IL34: variants seen among roughly 807,000 people sequenced by gnomAD.
IL34 encodes interleukin 34.
IL34 carries 17 observed loss-of-function variants against 25.3 expected under a neutral mutation model. The ratio of observed to expected loss-of-function variants is 0.67; its 90% CI spans 0.46 to 1.01. The LOEUF is 1.01. Ranked by LOEUF, IL34 falls within the 50% of genes least tolerant of loss-of-function variation. IL34 has a pLI of 0.00. For synonymous variants in IL34, 174 were observed against 140.9 expected, an observed-to-expected ratio of 1.23 and a Z score of -1.66; for missense variants, 368 against 312.9, an observed-to-expected ratio of 1.18 and a Z score of -1.33.
intron 1 of IL34, among the ~76,000 whole-genome samples, chr16:70,639,912 T>TA (rs1342433826): frequency 4.6e-5 from 7 of 151,898 alleles, no homozygotes; most frequent in Non-Finnish European, 8.8e-5. Flanking sequence ...GACCTGTGAT[T>TA]ACGCCTCTGC....
At chr16:70,619,804 G>A (rs1383419091) in intron 1 of IL34, among the ~76,000 whole-genome samples, 10 of 152,206 alleles carry the variant, frequency 6.6e-5, no homozygotes, top group East Asian at 1.9e-4. Context: ...CTCTGGGAGT[G>A]GCTGCCAGGT....
intron 1 of IL34, among the ~76,000 whole-genome samples, chr16:70,587,266 G>T (rs1001731778): frequency 6.6e-6 from 1 of 151,862 alleles, no homozygotes; most frequent in Non-Finnish European, 1.5e-5. Context: ...CGCAGACAGC[G>T]CTGAGTTTTG....
intron 1 of IL34, among the ~76,000 whole-genome samples, chr16:70,618,236 T>C (rs1427687057): frequency 2.6e-5 from 4 of 151,870 alleles, no homozygotes; most frequent in South Asian, 4.2e-4. Flanking sequence ...CATCAATAAA[T>C]CAAGCGTGAT....
At chr16:70,615,377 C>T (rs1036206220) in intron 1 of IL34, among the ~76,000 whole-genome samples, 2 of 152,022 alleles carry the variant, frequency 1.3e-5, no homozygotes, top group Non-Finnish European at 2.9e-5. Context: ...CGTGGTGGTG[C>T]TCACCTGTAG....
At chr16:70,610,736 G>A (rs1479012973) in intron 1 of IL34, among the ~76,000 whole-genome samples, 1 of 152,188 alleles carries the variant, frequency 6.6e-6, no homozygotes, top group Non-Finnish European at 1.5e-5. Flanking sequence ...ATCTCTTGTG[G>A]AATATTCCAG....
intron 1 of IL34, among the ~76,000 whole-genome samples, chr16:70,641,535 C>CCCTT (rs926945732): frequency 2.0e-3 from 279 of 140,250 alleles, no homozygotes; most frequent in Middle Eastern, 3.6e-3. Flanking sequence ...CTCCCTCCCT[C>CCCTT]CCTTCCTTCC....
rs138262140 is a variant in IL34, at chr16:70,614,474, C to T, written c.-400-32074C>T. Reference sequence around the variant, plus strand: ...AGCCTCTCCAGGTGGTTCTTAAGCCCGCTGAGGTTTGAGAAGCATGGAAGC... The same window carrying T: ...AGCCTCTCCAGGTGGTTCTTAAGCCTGCTGAGGTTTGAGAAGCATGGAAGC... On this transcript the variant is annotated intron_variant, in intron 1 of 6. Transcript: ENST00000429149. Among the ~76,000 whole-genome samples, 1,257 of 152,256 alleles carry T rather than the reference C, an allele frequency of 8.3e-3. 19 individuals are homozygous for T. The highest frequency in any genetic ancestry group is 0.028 in the African/African-American group (1,174 of 41,534).
At chr16:70,590,381 C>T (rs1597734950) in intron 1 of IL34, among the ~76,000 whole-genome samples, 1 of 152,188 alleles carries the variant, frequency 6.6e-6, no homozygotes, top group Non-Finnish European at 1.5e-5. Flanking sequence ...GATTGGGGAG[C>T]TCCCCATTAG....
In IL34 at chr16:70,658,075, C is replaced by T. The variant is rs117452835; in HGVS notation, c.402+954C>T. 9.2e-3 allele frequency among the ~76,000 whole-genome samples: 1,397 copies of T among 152,290 alleles called. 12 individuals carry two copies. Among genetic ancestry groups the T allele is most frequent in the Middle Eastern group, 0.034 (10 of 294 alleles). On this transcript the variant is annotated intron_variant, in intron 4 of 5. Coordinates refer to ENST00000288098, the MANE Select transcript of IL34 (RefSeq NM_001393494.1). ...CCTCTCCCCGTCTCCACCAGACCTC[C>T]TCAGGACTCTGGTGCACACCTGTCC... is the stretch of plus-strand genomic sequence containing the variant.
chr16:70,626,642 C>A (rs8053688), intron 1 of IL34, among the ~76,000 whole-genome samples: 3 of 152,022 alleles, frequency 2.0e-5, no homozygotes, highest in Non-Finnish European at 4.4e-5. Context: ...GTGATCTGCC[C>A]ACCTCAGCCT....
intron 1 of IL34, among the ~76,000 whole-genome samples, chr16:70,590,580 A>T (rs6499323): frequency 6.6e-6 from 1 of 152,028 alleles, no homozygotes; most frequent in Non-Finnish European, 1.5e-5. Flanking sequence ...GGTCTAGCCC[A>T]ATAGTGCGGA....
intron 1 of IL34, among the ~76,000 whole-genome samples, chr16:70,620,501 A>T (rs529368085): frequency 6.6e-6 from 1 of 151,926 alleles, no homozygotes; most frequent in East Asian, 1.9e-4. Flanking sequence ...GACCTAGCTC[A>T]GCCTGGCGAG....
At chr16:70,620,368 G>T (rs1387886078) in intron 1 of IL34, among the ~76,000 whole-genome samples, 1 of 152,092 alleles carries the variant, frequency 6.6e-6, no homozygotes, top group Non-Finnish European at 1.5e-5. Flanking sequence ...ACCTTTTTAA[G>T]AGTGAATTGC....
At chr16:70,656,530 C>G (rs1257237546) in intron 2 of IL34, 72 bp from the exon 3 acceptor site, 1 of 850,082 alleles carries the variant, frequency 1.2e-6, no homozygotes, top group Non-Finnish European at 2.1e-6. Context: ...AAAAAAACAT[C>G]ATTTGGGAGG....
chr16:70,590,265 A>G (rs1347792368), intron 1 of IL34, among the ~76,000 whole-genome samples: 1 of 152,224 alleles, frequency 6.6e-6, no homozygotes, highest in Non-Finnish European at 1.5e-5. Context: ...AGTCCCTGGC[A>G]GAAAAATCAC....
At chr16:70,584,916 G>C (rs1277774645) in intron 1 of IL34, among the ~76,000 whole-genome samples, 1 of 152,090 alleles carries the variant, frequency 6.6e-6, no homozygotes, top group African/African-American at 2.4e-5. Context: ...GGCCAGGCTG[G>C]TCTTGAACTC....
At chr16:70,615,588 G>A (rs2051161432) in intron 1 of IL34, among the ~76,000 whole-genome samples, 1 of 152,168 alleles carries the variant, frequency 6.6e-6, no homozygotes, top group Non-Finnish European at 1.5e-5. Flanking sequence ...TCACGCTTTA[G>A]TGTGAATTAT....
intron 1 of IL34, among the ~76,000 whole-genome samples, chr16:70,598,603 G>A (rs146773503): frequency 0.1 from 15,343 of 151,996 alleles, 1,898 homozygotes; most frequent in African/African-American, 0.27. Flanking sequence ...GCCAGGCATG[G>A]TGGCGCATAC....
chr16:70,608,249 C>T (rs1284834945), intron 1 of IL34, among the ~76,000 whole-genome samples: 1 of 151,190 alleles, frequency 6.6e-6, no homozygotes, highest in Non-Finnish European at 1.5e-5. Flanking sequence ...CTGCCTTAGC[C>T]TCATTTGTAG....
Sources: gnomAD v4.1 joint callset for allele counts (sites outside exome capture counted in the v4.1 genomes callset) on GRCh38, gnomAD v4.1.1 for gene constraint, MANE v1.5 for transcripts, NCBI Gene and HGNC (gene_info 2026-07-23, HGNC 2026-07-21) for gene names.